Variants in PTGER4 observed in about 807,000 individuals in gnomAD.
The protein encoded by PTGER4 is prostaglandin E2 receptor EP4 subtype.
PTGER4 carries 11 observed loss-of-function variants against 33.2 expected under a neutral mutation model. That is an observed-to-expected ratio of 0.33 (90% confidence interval 0.21 to 0.55). PTGER4 has a LOEUF of 0.55. PTGER4 is among the 20% of genes least tolerant of loss of function. The pLI, the probability that PTGER4 is intolerant of heterozygous loss-of-function variation, is 0.92. For missense variants in PTGER4, 481 were observed against 650.2 expected (o/e 0.74, Z 2.83); for synonymous variants, 275 against 281.5 (o/e 0.98, Z 0.23).
the PTGER4 span, among the ~76,000 whole-genome samples, chr5:40,709,363 A>C: frequency 6.6e-6 from 1 of 152,206 alleles, no homozygotes; most frequent in Non-Finnish European, 1.5e-5. Flanking sequence ...ATGTGCAAAA[A>C]TCACAAGCAT....
chr5:40,718,988 T>C, the PTGER4 span, among the ~76,000 whole-genome samples: 3 of 152,206 alleles, frequency 2.0e-5, no homozygotes, highest in Non-Finnish European at 4.4e-5. Flanking sequence ...AATCCACCTA[T>C]ATAGAAGTGT....
At chr5:40,707,986 G>C in the PTGER4 span, among the ~76,000 whole-genome samples, 1 of 152,136 alleles carries the variant, frequency 6.6e-6, no homozygotes, top group African/African-American at 2.4e-5. Context: ...AAACCAACAA[G>C]AACAAAGACA....
At chr5:40,726,260 A>G in the PTGER4 span, among the ~76,000 whole-genome samples, 1 of 151,154 alleles carries the variant, frequency 6.6e-6, no homozygotes, top group Non-Finnish European at 1.5e-5. Context: ...TTCACATCCA[A>G]CTCTTACAAA....
At chr5:40,727,367 C>T in the PTGER4 span, among the ~76,000 whole-genome samples, 2 of 152,118 alleles carry the variant, frequency 1.3e-5, no homozygotes, top group African/African-American at 2.4e-5. Context: ...AGTTAAATTT[C>T]GTTAGCTATC....
At chr5:40,687,657 G>C (rs1049718707) in intron 2 of PTGER4, among the ~76,000 whole-genome samples, 1 of 152,166 alleles carries the variant, frequency 6.6e-6, no homozygotes, top group Admixed American at 6.5e-5. Flanking sequence ...TTCCCTACTT[G>C]AAGTAAGTCT....
chr5:40,688,450 G>A (rs7726237), intron 2 of PTGER4, among the ~76,000 whole-genome samples: 101,868 of 152,046 alleles, frequency 0.67, 34,290 homozygotes, highest in East Asian at 0.8. Flanking sequence ...CCTTAGGAAC[G>A]TAGTATGTGA....
the PTGER4 span, among the ~76,000 whole-genome samples, chr5:40,732,062 G>A: frequency 8.5e-5 from 13 of 152,216 alleles, no homozygotes; most frequent in South Asian, 2.1e-4. Context: ...GTCTTGCTCC[G>A]TTGCACTGGC....
chr5:40,696,982 A>AGAGAG (rs66476258), downstream of PTGER4, among the ~76,000 whole-genome samples: 254 of 124,958 alleles, frequency 2.0e-3, 2 homozygotes, highest in East Asian at 4.3e-3. Context: ...GAGAGAGAGA[A>AGAGAG]AGAGAGAAAG....
the PTGER4 span, among the ~76,000 whole-genome samples, chr5:40,708,533 ATAAT>A: frequency 6.6e-6 from 1 of 152,212 alleles, no homozygotes; most frequent in African/African-American, 2.4e-5. Flanking sequence ...AATTGAGGCA[ATAAT>A]TAATAGCTTA....
At chr5:40,698,092 C>CAG (rs1741653158), downstream of PTGER4, among the ~76,000 whole-genome samples, 3 of 40,050 alleles carry the variant, frequency 7.5e-5, 1 homozygote, top group South Asian at 5.3e-3. Flanking sequence ...CCTGTCTCTA[C>CAG]AAAAAAAAAA....
chr5:40,732,003 T>A, the PTGER4 span, among the ~76,000 whole-genome samples: 5 of 152,218 alleles, frequency 3.3e-5, no homozygotes, highest in Non-Finnish European at 5.9e-5. Context: ...AGTAAGTGAA[T>A]ATAAATTTGG....
the PTGER4 span, among the ~76,000 whole-genome samples, chr5:40,725,493 CA>C: frequency 1.1e-4 from 17 of 152,054 alleles, no homozygotes; most frequent in Admixed American, 2.6e-4. Context: ...CATTAGTAAA[CA>C]AAATTAGTAT....
At chr5:40,720,770 T>C in the PTGER4 span, among the ~76,000 whole-genome samples, 1 of 152,096 alleles carries the variant, frequency 6.6e-6, no homozygotes, top group Non-Finnish European at 1.5e-5. Flanking sequence ...AGAAGGGAGA[T>C]TCAGGACACC....
chr5:40,692,497 T>C lies in PTGER4; in HGVS notation c.*119T>C. 6.7e-7 allele frequency: 1 copy of C among 1,484,138 alleles called. No individual in the cohort carries two copies. The highest frequency in any genetic ancestry group is 8.9e-7 in the Non-Finnish European group (1 of 1,125,428). 91.9% of individuals were successfully genotyped at this position (1,484,138 alleles called of 1,614,324 possible). On this transcript the variant is annotated 3_prime_UTR_variant, in exon 3 of 3. Transcript: ENST00000302472. ...GCTATCATCATCCTACAACTCACATTAGAGAACATCCTGGCTTTTGAGCAC... is the reference window on the plus strand; with the variant it reads ...GCTATCATCATCCTACAACTCACATCAGAGAACATCCTGGCTTTTGAGCAC...
chr5:40,746,698 A>T, the PTGER4 span: 4 of 915,258 alleles, frequency 4.4e-6, no homozygotes, highest in Non-Finnish European at 6.4e-6. Context: ...ATAGATTTTT[A>T]AACATGAATT....
the PTGER4 span, among the ~76,000 whole-genome samples, chr5:40,707,889 G>A: frequency 5.9e-5 from 9 of 152,070 alleles, no homozygotes; most frequent in African/African-American, 1.2e-4. Context: ...ACTCAAAACC[G>A]CTCAACTACA....
the PTGER4 span, among the ~76,000 whole-genome samples, chr5:40,706,487 A>G: frequency 6.6e-6 from 1 of 152,172 alleles, no homozygotes; most frequent in Non-Finnish European, 1.5e-5. Context: ...ATAAAAGTTA[A>G]AAAGTAAAAT....
the PTGER4 span, among the ~76,000 whole-genome samples, chr5:40,738,521 A>ATACAC: frequency 1.5e-5 from 2 of 130,978 alleles, no homozygotes; most frequent in African/African-American, 5.7e-5. Flanking sequence ...ATACAATAAA[A>ATACAC]TAAAATACAA....
the PTGER4 span, chr5:40,716,256 T>C: frequency 6.2e-7 from 1 of 1,614,232 alleles, no homozygotes; most frequent in Non-Finnish European, 8.5e-7. Context: ...TTTTATTTGC[T>C]GAAACTGTCT....
Sources: allele counts gnomAD v4.1 joint callset (sites outside exome capture counted in the v4.1 genomes callset), GRCh38; gene constraint gnomAD v4.1.1; transcripts MANE v1.5; gene names NCBI Gene and HGNC (gene_info 2026-07-23, HGNC 2026-07-21).